Variants in AKAP12 observed in about 807,000 individuals in gnomAD.
AKAP12 encodes A-kinase anchoring protein 12.
Under a neutral mutation model 79.9 loss-of-function variants are expected in AKAP12, and 32 were observed. The observed-to-expected ratio is 0.40, with a 90% CI of 0.30 to 0.54. The LOEUF is 0.54. Among genes scored for constraint, AKAP12 ranks in the 20% least tolerant of loss-of-function variants. The probability of loss-of-function intolerance (pLI) is 0.48; values close to 1 mark genes in which losing one functional copy is unlikely to be tolerated. For missense variants in AKAP12, 2,074 were observed against 2,177.0 expected, an observed-to-expected ratio of 0.95 and a Z score of 0.94; for synonymous variants, 808 against 857.0, an observed-to-expected ratio of 0.94 and a Z score of 1.00.
At chr6:151,241,149 C>A (rs932356353) in intron 2 of AKAP12, among the ~76,000 whole-genome samples, 15 of 152,314 alleles carry the variant, frequency 9.8e-5, no homozygotes, top group African/African-American at 3.6e-4. Context: ...GCTGTGAGGC[C>A]AGGACTCGTG....
intron 3 of AKAP12, chr6:151,324,379 C>T (rs1388701455): frequency 3.0e-6 from 3 of 985,304 alleles, no homozygotes; most frequent in South Asian, 4.7e-5. Context: ...GCGGTTTTCA[C>T]GTTGCTCACT....
chr6:151,308,954 A>G (rs1391220788), intron 3 of AKAP12, among the ~76,000 whole-genome samples: 1 of 152,094 alleles, frequency 6.6e-6, no homozygotes. Context: ...GGCTCACTGC[A>G]GTTTCCATCT....
At chr6:151,264,811 A>G (rs1364963015) in intron 2 of AKAP12, among the ~76,000 whole-genome samples, 1 of 152,180 alleles carries the variant, frequency 6.6e-6, no homozygotes. Context: ...TTTGCAAAGG[A>G]TGATTTTGTT....
At chr6:151,276,009 A>G (rs1776285731) in intron 2 of AKAP12, among the ~76,000 whole-genome samples, 1 of 152,220 alleles carries the variant, frequency 6.6e-6, no homozygotes, top group Admixed American at 6.5e-5. Flanking sequence ...ATTAGACTGA[A>G]CATAATTATT....
intron 2 of AKAP12, among the ~76,000 whole-genome samples, chr6:151,289,638 G>T (rs1258770289): frequency 6.6e-6 from 1 of 152,200 alleles, no homozygotes; most frequent in Non-Finnish European, 1.5e-5. Flanking sequence ...GTTTTATTGA[G>T]TAATTTTGTT....
intron 2 of AKAP12, among the ~76,000 whole-genome samples, chr6:151,255,721 T>C (rs1797279730): frequency 6.6e-6 from 1 of 151,826 alleles, no homozygotes; most frequent in Non-Finnish European, 1.5e-5. Context: ...GCCAGGGAGG[T>C]CTGGGCTACA....
Position 151,350,272 on chromosome 6 carries a change from G to A in AKAP12, c.1881G>A (p.Ser627=), listed in dbSNP as rs767464670. The A allele has an allele frequency of 5.6e-6, 9 of 1,613,800 alleles. No homozygotes were observed. The highest frequency in any genetic ancestry group is 1.3e-5 in the African/African-American group (1 of 74,822). Residue 627 remains serine, a synonymous_variant, in exon 4 of 5, where the codon TCG becomes TCA. Transcript: ENST00000402676. The surrounding 1 kb of genome is among the most constrained non-coding windows in gnomAD (Gnocchi z 4.8). ...VTPKKRVRRP[S]ESDKEDELDK... ...CCAAGAAGCGTGTTAGACGGCCTTC[G>A]GAAAGTGATAAAGAAGATGAGCTGG... is the stretch of plus-strand genomic sequence containing the variant.
chr6:151,335,935 T>C (rs1467116557), intron 3 of AKAP12, among the ~76,000 whole-genome samples: 3 of 152,164 alleles, frequency 2.0e-5, no homozygotes, highest in Non-Finnish European at 4.4e-5. Flanking sequence ...CTCCCTCCCT[T>C]TTAGAGTACC....
chr6:151,295,766 C>T (rs1415990933), intron 2 of AKAP12, among the ~76,000 whole-genome samples: 1 of 152,256 alleles, frequency 6.6e-6, no homozygotes, highest in South Asian at 2.1e-4. Flanking sequence ...GATGATGTAG[C>T]GTAGGCTGTA....
intron 3 of AKAP12, among the ~76,000 whole-genome samples, chr6:151,334,253 G>T (rs1777753822): frequency 6.6e-6 from 1 of 152,154 alleles, no homozygotes; most frequent in Non-Finnish European, 1.5e-5. Context: ...AGGAAGTCAG[G>T]GTGGTAAAAA....
At chr6:151,300,115 TACTTTCAAAAC>T (rs67820796) in intron 2 of AKAP12, among the ~76,000 whole-genome samples, 12,921 of 152,180 alleles carry the variant, frequency 0.085, 714 homozygotes, top group East Asian at 0.28. Flanking sequence ...TTTAAAGATT[TACTTTCAAAAC>T]ACTTTCTATT....
intron 2 of AKAP12, among the ~76,000 whole-genome samples, chr6:151,264,341 G>T (rs1797505084): frequency 7.5e-6 from 1 of 133,182 alleles, no homozygotes; most frequent in Non-Finnish European, 1.6e-5. Flanking sequence ...AAAAGAATAA[G>T]ATATACCTGG....
At chr6:151,272,493 T>TGATA (rs76256853) in intron 2 of AKAP12, among the ~76,000 whole-genome samples, 70,588 of 144,116 alleles carry the variant, frequency 0.49, 17,434 homozygotes, top group East Asian at 0.52. Context: ...TTTCATGAGA[T>TGATA]GATAGATAGA....
chr6:151,302,957 A>G (rs1200053646), intron 2 of AKAP12, among the ~76,000 whole-genome samples: 1 of 152,172 alleles, frequency 6.6e-6, no homozygotes, highest in Non-Finnish European at 1.5e-5. Flanking sequence ...GCACTTTGGG[A>G]GGCTGAGGCG....
intron 2 of AKAP12, among the ~76,000 whole-genome samples, chr6:151,250,155 A>T (rs1032245102): frequency 1.4e-5 from 2 of 147,522 alleles, no homozygotes; most frequent in African/African-American, 5.0e-5. Flanking sequence ...TGAGGTGGGA[A>T]GATCACTAGA....
chr6:151,264,688 A>G (rs1460199680), intron 2 of AKAP12, among the ~76,000 whole-genome samples: 1 of 151,504 alleles, frequency 6.6e-6, no homozygotes, highest in Non-Finnish European at 1.5e-5. Context: ...AAAAAAAAGA[A>G]TTAAAGATAA....
chr6:151,251,826 G>T (rs190667057), intron 2 of AKAP12, among the ~76,000 whole-genome samples: 2 of 152,090 alleles, frequency 1.3e-5, no homozygotes, highest in Non-Finnish European at 2.9e-5. Flanking sequence ...GTGAAACCCT[G>T]TCTTTACTAA....
chr6:151,332,047 TTTTTTTTGA>T (rs1403855681), intron 3 of AKAP12, among the ~76,000 whole-genome samples: 1 of 144,258 alleles, frequency 6.9e-6, no homozygotes, highest in Non-Finnish European at 1.5e-5. Flanking sequence ...TTTTTTTTTT[TTTTTTTTGA>T]GACAGTCTCG....
intron 3 of AKAP12, among the ~76,000 whole-genome samples, chr6:151,314,351 T>A (rs1451805591): frequency 1.3e-5 from 2 of 152,212 alleles, no homozygotes; most frequent in African/African-American, 4.8e-5. Flanking sequence ...AAAAGCCATT[T>A]TCTATATTTG....
Sources: allele counts gnomAD v4.1 joint callset (sites outside exome capture counted in the v4.1 genomes callset), GRCh38; gene constraint gnomAD v4.1.1; non-coding constraint Gnocchi (gnomAD v3.1); transcripts MANE v1.5; gene names NCBI Gene and HGNC (gene_info 2026-07-23, HGNC 2026-07-21).